Variants in ZZEF1 observed in about 807,000 individuals in gnomAD.
ZZEF1 encodes zinc finger ZZ-type and EF-hand domain containing 1.
In ZZEF1, 157 loss-of-function variants were observed where a neutral mutation model predicts 342.8. The ratio of observed to expected loss-of-function variants is 0.46; its 90% CI spans 0.40 to 0.52. The LOEUF is 0.52. Among genes scored for constraint, ZZEF1 ranks in the 20% least tolerant of loss-of-function variants. ZZEF1 has a pLI of 0.00. For synonymous variants in ZZEF1, 1,505 were observed against 1,429.1 expected (o/e 1.05, Z -1.20); for missense variants, 3,480 against 3,725.6 (o/e 0.93, Z 1.72).
chr17:4,071,695 G>A (rs1247976304), intron 25 of ZZEF1, among the ~76,000 whole-genome samples: 2 of 152,178 alleles, frequency 1.3e-5, no homozygotes, highest in Non-Finnish European at 2.9e-5. Context: ...GTGGCTTCAG[G>A]CCTGGGGAAC....
chr17:4,066,026 G>A (rs540718153), intron 28 of ZZEF1, among the ~76,000 whole-genome samples: 9 of 152,200 alleles, frequency 5.9e-5, no homozygotes, highest in African/African-American at 2.2e-4. Flanking sequence ...AATTTGCCAG[G>A]TGTTGTGGCA....
At chr17:4,130,218 C>G (rs2058641376) in intron 1 of ZZEF1, among the ~76,000 whole-genome samples, 1 of 152,184 alleles carries the variant, frequency 6.6e-6, no homozygotes, top group South Asian at 2.1e-4. Context: ...CTTTGGGAAG[C>G]TGAGGCAGGC....
chr17:4,068,970 A>C (rs530241994), intron 26 of ZZEF1, among the ~76,000 whole-genome samples: 2 of 152,352 alleles, frequency 1.3e-5, no homozygotes, highest in African/African-American at 4.8e-5. Context: ...TCTATATCAC[A>C]AAGGCAGAGA....
At chr17:4,121,317 A>C (rs1004214529) in intron 2 of ZZEF1, among the ~76,000 whole-genome samples, 3 of 152,218 alleles carry the variant, frequency 2.0e-5, no homozygotes, top group African/African-American at 7.2e-5. Flanking sequence ...AAACGCTAAG[A>C]TAAAAGCTAG....
chr17:4,121,678 G>C lies in ZZEF1; in HGVS notation c.499+2229C>G, dbSNP rs186523549. Among the ~76,000 whole-genome samples the C allele has an allele frequency of 3.3e-5, 5 of 151,734 alleles. No homozygotes were observed. In the East Asian group the frequency reaches 9.7e-4, roughly 29 times the overall value. ...ATGAGACTAGGGAAAAAGTTAACAT[G>C]TATAACATTACATAATTAAAGACAA... On this transcript the variant is annotated intron_variant, in intron 2 of 54. Transcript: ENST00000381638.
chr17:4,055,165 T>C (rs186127975), intron 33 of ZZEF1, among the ~76,000 whole-genome samples: 26 of 152,250 alleles, frequency 1.7e-4, no homozygotes, highest in Admixed American at 1.7e-3. Context: ...CTTTAGGGCC[T>C]GGAAATGAGG....
Position 4,116,137 on chromosome 17 carries a change from C to T in ZZEF1, c.694+835G>A, listed in dbSNP as rs535610875. On this transcript the variant is annotated intron_variant, in intron 3 of 54. Coordinates refer to ENST00000381638, the MANE Select transcript of ZZEF1 (RefSeq NM_015113.4). ...GAGTTTAAGACCAGTCTGACCAACA[C>T]GGTGAAACCTGTCTCTACTAAAAAT... 9.1e-4 allele frequency among the ~76,000 whole-genome samples: 139 copies of T among 152,176 alleles called. 1 individual carries two copies. The highest frequency in any genetic ancestry group is 1.6e-3 in the Non-Finnish European group (107 of 68,002).
At chr17:4,107,142 T>C (rs1444726588) in intron 6 of ZZEF1, among the ~76,000 whole-genome samples, 1 of 152,226 alleles carries the variant, frequency 6.6e-6, no homozygotes, top group Non-Finnish European at 1.5e-5. Context: ...TACCTATTTT[T>C]CCTCATTGAT....
intron 42 of ZZEF1, among the ~76,000 whole-genome samples, chr17:4,028,158 A>C (rs2056458608): frequency 6.6e-6 from 1 of 152,192 alleles, no homozygotes; most frequent in Non-Finnish European, 1.5e-5. Flanking sequence ...ATAGTGTCAG[A>C]ACATTACAAC....
At chr17:4,038,953 G>C (rs1009621250) in intron 39 of ZZEF1, among the ~76,000 whole-genome samples, 2 of 152,048 alleles carry the variant, frequency 1.3e-5, no homozygotes, top group Non-Finnish European at 2.9e-5. Flanking sequence ...TGGGTTGTAA[G>C]AGTTCTTTAT....
At chr17:4,044,148 C>T (rs1295769062) in intron 38 of ZZEF1, 76 bp downstream of exon 38, 4 of 1,517,550 alleles carry the variant, frequency 2.6e-6, no homozygotes, top group Admixed American at 3.7e-5. Context: ...AAGCTGTGTG[C>T]CACAAACAGC....
intron 27 of ZZEF1, among the ~76,000 whole-genome samples, 158 bp downstream of exon 27, chr17:4,067,005 G>A (rs1597840644): frequency 6.6e-6 from 1 of 152,116 alleles, no homozygotes; most frequent in South Asian, 2.1e-4. Flanking sequence ...ATAATTTCAA[G>A]GGTTCTAAAT....
rs1346752412 is a variant in ZZEF1 at position 4,050,670 on chromosome 17, G to C, written c.5863+111C>G. 2.5e-5 allele frequency: 38 copies of C among 1,507,730 alleles called. No homozygotes were observed. In the East Asian group the frequency reaches 7.7e-4, roughly 30 times the overall value. The allele number at this position is 1,507,730 out of a possible 1,614,324, so 93.4% of individuals were successfully genotyped here. Reference sequence around the variant, plus strand: ...CACACCAGGGTAAGCCCCTTTTGTGGAAAAGTGGATGTTGCCACCTGTAAA... The same window carrying C: ...CACACCAGGGTAAGCCCCTTTTGTGCAAAAGTGGATGTTGCCACCTGTAAA... On this transcript the variant is annotated intron_variant, in intron 36 of 54. Transcript: ENST00000381638.
At chr17:4,062,504 T>C (rs2057306285) in intron 30 of ZZEF1, among the ~76,000 whole-genome samples, 2 of 152,088 alleles carry the variant, frequency 1.3e-5, no homozygotes, top group Non-Finnish European at 2.9e-5. Flanking sequence ...CATGAGTATA[T>C]GAGGAATGCA....
chr17:4,013,655 C>A, intron 51 of ZZEF1, 41 bp from the exon 52 acceptor site: 3 of 1,550,616 alleles, frequency 1.9e-6, no homozygotes, highest in Middle Eastern at 1.7e-4. Context: ...AACAGAGATA[C>A]GTAATAAGTA....
Position 4,090,866 on chromosome 17 carries a change from T to C in ZZEF1, c.1914-36A>G, listed in dbSNP as rs768625897. On this transcript the variant is annotated intron_variant, in intron 11 of 54. Transcript: ENST00000381638. ...AAGAGTATTCACAAAACATTTTATT[T>C]TGAAACTTCTCAAGGGTCTAACAAA... 10 of 1,537,500 alleles carry C rather than the reference T, an allele frequency of 6.5e-6. 1 individual carries two copies. In the South Asian group the frequency reaches 6.7e-5, roughly 10 times the overall value.
chr17:4,024,164 C>G (rs2459499), intron 43 of ZZEF1, among the ~76,000 whole-genome samples: 3 of 143,858 alleles, frequency 2.1e-5, no homozygotes, highest in African/African-American at 7.9e-5. Context: ...AGCTGCTCAT[C>G]TCCATGCCAA....
At chr17:4,067,099 A>T in intron 27 of ZZEF1, 64 bp downstream of exon 27, 1 of 1,353,254 alleles carries the variant, frequency 7.4e-7, no homozygotes, top group Non-Finnish European at 1.0e-6. Flanking sequence ...AATTCATCTT[A>T]ATTCCATGAT....
At chr17:4,009,102 G>A in intron 53 of ZZEF1, 148 bp from the exon 54 acceptor site, 1 of 986,734 alleles carries the variant, frequency 1.0e-6, no homozygotes, top group Non-Finnish European at 1.5e-6. Flanking sequence ...GCACTGCCTT[G>A]CTCAGAACCC....
Sources: gnomAD v4.1 joint callset for allele counts (sites outside exome capture counted in the v4.1 genomes callset) on GRCh38, gnomAD v4.1.1 for gene constraint, MANE v1.5 for transcripts, NCBI Gene and HGNC (gene_info 2026-07-23, HGNC 2026-07-21) for gene names.